The following GALNT17 variants were observed in gnomAD, a reference collection of about 807,000 sequenced individuals.
The protein encoded by GALNT17 is UDP-GalNAc:polypeptide N-acetylgalactosaminyltransferase-like 3.
Under a neutral mutation model 63.7 loss-of-function variants are expected in GALNT17, and 29 were observed. The observed-to-expected ratio is 0.46, with a 90% CI of 0.34 to 0.62. The LOEUF (loss-of-function observed/expected upper bound fraction) is 0.62. Ranked by LOEUF, GALNT17 falls within the 20% of genes least tolerant of loss-of-function variation. The pLI is 0.01. For synonymous variants in GALNT17, 305 were observed against 318.3 expected (o/e 0.96, Z 0.45); for missense variants, 603 against 799.6 (o/e 0.75, Z 2.97).
intron 5 of GALNT17, among the ~76,000 whole-genome samples, chr7:71,436,967 G>GGC (rs1333754076): frequency 6.6e-6 from 1 of 152,084 alleles, no homozygotes; most frequent in Non-Finnish European, 1.5e-5. Flanking sequence ...TGAGCATCTG[G>GGC]GCTCCTCACA....
intron 5 of GALNT17, among the ~76,000 whole-genome samples, chr7:71,509,917 CATG>C (rs1340720609): frequency 1.5e-4 from 23 of 150,842 alleles, no homozygotes; most frequent in African/African-American, 5.6e-4. Flanking sequence ...ATATAATGTA[CATG>C]ACATGCAATT....
At chr7:71,320,240 A>AT (rs1307361945) in intron 1 of GALNT17, among the ~76,000 whole-genome samples, 1 of 151,400 alleles carries the variant, frequency 6.6e-6, no homozygotes, top group Non-Finnish European at 1.5e-5. Flanking sequence ...ACCTCAGATA[A>AT]TTTTTTTTTA....
chr7:71,685,572 C>CTGGTCTTCCTCTATTGGGGA (rs1791339939), intron 9 of GALNT17: 1 of 152,176 alleles, frequency 6.6e-6, no homozygotes, highest in South Asian at 2.1e-4. Context: ...TGACCAAAGA[C>CTGGTCTTCCTCTATTGGGGA]TGGTCTTCCT....
chr7:71,221,599 C>G (rs756046577), intron 1 of GALNT17, among the ~76,000 whole-genome samples: 54 of 152,138 alleles, frequency 3.5e-4, no homozygotes, highest in Non-Finnish European at 4.6e-4. Flanking sequence ...TCCATAGATT[C>G]TCCCTGCTAT....
At chr7:71,317,505 G>T (rs1051213304) in intron 1 of GALNT17, among the ~76,000 whole-genome samples, 1 of 152,138 alleles carries the variant, frequency 6.6e-6, no homozygotes, top group African/African-American at 2.4e-5. Context: ...ATCGTTTGAG[G>T]CTGGGACCCA....
chr7:71,200,645 T>C (rs540910026), intron 1 of GALNT17, among the ~76,000 whole-genome samples: 17 of 152,322 alleles, frequency 1.1e-4, no homozygotes, highest in African/African-American at 3.8e-4. Context: ...TTTTGCGTGG[T>C]TATAGTCATT....
Position 71,661,497 on chromosome 7 carries a change from C to G in GALNT17, c.1081-3914C>G, listed in dbSNP as rs567159082. On this transcript the variant is annotated intron_variant, in intron 6 of 10. Transcript: ENST00000333538. ...AGCAAGAGGAGCCCTCGTCTTCTGT[C>G]TCACACAAGAGGTGCCGCTAATGAC... Among the ~76,000 whole-genome samples the G allele has an allele frequency of 2.0e-5, 3 of 152,302 alleles. No homozygotes were observed. In the East Asian group the frequency reaches 5.8e-4, roughly 29 times the overall value.
intron 6 of GALNT17, among the ~76,000 whole-genome samples, chr7:71,600,293 T>A (rs1254133385): frequency 2.1e-5 from 3 of 145,988 alleles, no homozygotes; most frequent in African/African-American, 7.7e-5. Context: ...AATAGGGGGA[T>A]GATAATAAAA....
rs1291997245 is a variant in GALNT17 at position 71,300,383 on chromosome 7, CAGAG to C, written c.239-35162_239-35159del. On this transcript the variant is annotated intron_variant, in intron 1 of 10. Coordinates refer to ENST00000333538, the MANE Select transcript of GALNT17 (RefSeq NM_022479.3). The stretch of plus-strand genomic sequence containing the variant: ...CCACCTCTTGGTGTGCTGGCAGACA[CAGAG>C]AGAGGACTGTCTGTCTTCCCTCCTG... 1.1e-5 allele frequency: 5 copies of C among 452,924 alleles called. No homozygotes were observed. The Admixed American group carries it at 1.2e-4, about 11-fold the overall frequency. The allele number at this position is 452,924 out of a possible 1,614,324, so 28.1% of individuals were successfully genotyped here. A position where few individuals can be genotyped will look rare whatever the true frequency, so the allele number is the denominator to read the frequency against.
chr7:71,143,507 T>C (rs919291862), intron 1 of GALNT17, among the ~76,000 whole-genome samples: 2 of 151,418 alleles, frequency 1.3e-5, no homozygotes, highest in Non-Finnish European at 2.9e-5. Context: ...GGGAATGGCA[T>C]GAGCAGAAGA....
chr7:71,477,795 G>A (rs1438149452), intron 5 of GALNT17, among the ~76,000 whole-genome samples: 2 of 152,202 alleles, frequency 1.3e-5, no homozygotes, highest in Non-Finnish European at 2.9e-5. Flanking sequence ...AATCCTGGCT[G>A]CCTCTGGTGC....
chr7:71,590,723 GTTGT>G (rs538137697), intron 6 of GALNT17, among the ~76,000 whole-genome samples: 27 of 152,202 alleles, frequency 1.8e-4, no homozygotes, highest in Admixed American at 3.9e-4. Flanking sequence ...TTTTGTTGTT[GTTGT>G]TTGTTTGTTT....
intron 6 of GALNT17, among the ~76,000 whole-genome samples, chr7:71,616,766 A>G (rs980872310): frequency 5.8e-5 from 8 of 138,296 alleles, no homozygotes; most frequent in Non-Finnish European, 7.6e-5. Context: ...TATATGTTAT[A>G]TATTATGTGT....
At chr7:71,451,314 T>C (rs991279895) in intron 5 of GALNT17, among the ~76,000 whole-genome samples, 1 of 152,200 alleles carries the variant, frequency 6.6e-6, no homozygotes, top group Non-Finnish European at 1.5e-5. Context: ...CGACAGCCTT[T>C]CCAGGATTTT....
At chr7:71,310,155 C>G in intron 1 of GALNT17, among the ~76,000 whole-genome samples, 1 of 152,198 alleles carries the variant, frequency 6.6e-6, no homozygotes, top group East Asian at 1.9e-4. Flanking sequence ...AAACCTCTTG[C>G]TTTTGTAAAT....
chr7:71,674,348 T>TAAA (rs67385519), intron 8 of GALNT17, among the ~76,000 whole-genome samples: 6 of 146,090 alleles, frequency 4.1e-5, no homozygotes, highest in African/African-American at 7.4e-5. Flanking sequence ...CTCTTCCTTT[T>TAAA]TAAAAAAAAA....
chr7:71,534,491 C>T (rs533943850), intron 5 of GALNT17, among the ~76,000 whole-genome samples: 3 of 150,810 alleles, frequency 2.0e-5, no homozygotes, highest in East Asian at 4.0e-4. Context: ...CCCAGCTACT[C>T]GGGAGGCTGA....
chr7:71,216,871 A>C (rs1429277628), intron 1 of GALNT17, among the ~76,000 whole-genome samples: 5 of 151,946 alleles, frequency 3.3e-5, no homozygotes, highest in Non-Finnish European at 7.4e-5. Context: ...CAACTTTAAT[A>C]CCTTAGTCAT....
intron 1 of GALNT17, among the ~76,000 whole-genome samples, chr7:71,222,790 G>A (rs753893934): frequency 6.6e-6 from 1 of 152,112 alleles, no homozygotes; most frequent in Non-Finnish European, 1.5e-5. Context: ...ATGGTTTCTG[G>A]CCGGGTGCAG....
Sources: allele counts gnomAD v4.1 joint callset (sites outside exome capture counted in the v4.1 genomes callset), GRCh38; gene constraint gnomAD v4.1.1; transcripts MANE v1.5; gene names NCBI Gene and HGNC (gene_info 2026-07-23, HGNC 2026-07-21).